The following ARHGEF17 variants were observed in gnomAD, a reference collection of about 807,000 sequenced individuals.
The protein encoded by ARHGEF17 is Rho guanine nucleotide exchange factor 17.
ARHGEF17 carries 80 observed loss-of-function variants against 174.0 expected under a neutral mutation model. The ratio of observed to expected loss-of-function variants is 0.46; its 90% CI spans 0.38 to 0.55. ARHGEF17 has a LOEUF of 0.55. ARHGEF17 is among the 20% of genes least tolerant of loss of function. The pLI is 0.00. For missense variants in ARHGEF17, 2,886 were observed against 2,839.7 expected, an observed-to-expected ratio of 1.02 and a Z score of -0.37; for synonymous variants, 1,311 against 1,189.1, an observed-to-expected ratio of 1.10 and a Z score of -2.11.
chr11:73,351,629 T>C (rs1029911826), intron 2 of ARHGEF17, among the ~76,000 whole-genome samples: 13 of 152,168 alleles, frequency 8.5e-5, no homozygotes, highest in African/African-American at 2.2e-4. Context: ...GTCCTCAGGC[T>C]GGAGTGCAGT....
At chr11:73,324,714 G>A (rs1467319483) in intron 1 of ARHGEF17, among the ~76,000 whole-genome samples, 2 of 152,220 alleles carry the variant, frequency 1.3e-5, no homozygotes, top group African/African-American at 4.8e-5. Context: ...GCCTGAGTTG[G>A]GGGCAGTGCC....
intron 1 of ARHGEF17, among the ~76,000 whole-genome samples, chr11:73,332,351 G>A (rs1366607037): frequency 9.1e-4 from 4 of 4,416 alleles, no homozygotes; most frequent in Non-Finnish European, 1.7e-3. Context: ...CTTTTTCTCC[G>A]TGTGTGTGTG....
rs145408684 is a variant in ARHGEF17 at position 73,360,488 on chromosome 11, C to T, written c.4375C>T (p.Arg1459Cys). Residue 1459 changes from arginine (R) to cysteine (C), a missense_variant, in exon 11 of 21, where the codon CGC becomes TGC. This residue lies in a region of ARHGEF17 where 476 missense variants were observed against 473.1 expected (regional missense o/e 1.01). Transcript: ENST00000263674. Reference protein sequence around the residue: ...YIFEFPHPDARLGFEQAFDEA... With the variant: ...YIFEFPHPDACLGFEQAFDEA... ...TTTTGAGTTCCCTCACCCTGACGCC[C>T]GCCTTGGTTTTGAACAGGCCTTCGA... 2.7e-5 allele frequency: 44 copies of T among 1,613,912 alleles called. No homozygotes were observed. The highest frequency in any genetic ancestry group is 3.3e-5 in the South Asian group (3 of 91,090).
At chr11:73,366,579 A>G (rs1340784344) in intron 20 of ARHGEF17, among the ~76,000 whole-genome samples, 1 of 151,776 alleles carries the variant, frequency 6.6e-6, no homozygotes, top group Non-Finnish European at 1.5e-5. Context: ...AAAATACAAA[A>G]ATTAGCCATG....
intron 1 of ARHGEF17, among the ~76,000 whole-genome samples, chr11:73,319,629 C>G (rs1259725300): frequency 6.6e-6 from 1 of 152,238 alleles, no homozygotes; most frequent in African/African-American, 2.4e-5. Context: ...GGGGCAGAAC[C>G]TTCGAACTCA....
intron 1 of ARHGEF17, among the ~76,000 whole-genome samples, chr11:73,329,329 A>G (rs1865154168): frequency 2.0e-3 from 3 of 1,528 alleles, no homozygotes; most frequent in African/African-American, 7.4e-3. Context: ...TTTCATATAT[A>G]TATATATATA....
chr11:73,311,303 C>T lies in ARHGEF17; in HGVS notation c.2665C>T (p.Leu889=), dbSNP rs920674049. Residue 889 remains leucine (L), a synonymous_variant, in exon 1 of 21, where the codon CTA becomes TTA. Coordinates refer to ENST00000263674, the MANE Select transcript of ARHGEF17 (RefSeq NM_014786.4). ...TRSRAQSERA[L]PEALPPPATA... The stretch of plus-strand genomic sequence containing the variant: ...GAGCCGGGCACAGTCTGAAAGGGCC[C>T]TACCTGAGGCTCTGCCTCCCCCTGC... 7 of 1,613,084 alleles carry T rather than the reference C, an allele frequency of 4.3e-6. No homozygotes were observed. The African/African-American group carries it at 9.3e-5, about 22-fold the overall frequency.
chr11:73,361,479 C>T (rs1865737013), intron 12 of ARHGEF17, among the ~76,000 whole-genome samples: 1 of 152,146 alleles, frequency 6.6e-6, no homozygotes, highest in Non-Finnish European at 1.5e-5. Flanking sequence ...TTTTTCTATG[C>T]ATGTATCCAT....
At chr11:73,314,439 G>A (rs1179656375) in intron 1 of ARHGEF17, among the ~76,000 whole-genome samples, 1 of 152,194 alleles carries the variant, frequency 6.6e-6, no homozygotes, top group African/African-American at 2.4e-5. Flanking sequence ...GCCTGGCTCA[G>A]CCTTTGACTC....
intron 1 of ARHGEF17, among the ~76,000 whole-genome samples, chr11:73,339,879 T>C (rs948351418): frequency 2.0e-5 from 3 of 151,878 alleles, no homozygotes; most frequent in Non-Finnish European, 2.9e-5. Context: ...TATGGTTGGG[T>C]GTGGGGTATG....
chr11:73,318,891 G>C (rs989052345), intron 1 of ARHGEF17, among the ~76,000 whole-genome samples: 1 of 152,170 alleles, frequency 6.6e-6, no homozygotes, highest in East Asian at 1.9e-4. Context: ...GGGTTTCACT[G>C]GGCTAAGATC....
chr11:73,319,014 C>T (rs2135789236), intron 1 of ARHGEF17, among the ~76,000 whole-genome samples: 1 of 152,190 alleles, frequency 6.6e-6, no homozygotes, highest in East Asian at 1.9e-4. Context: ...CTTCCCCCAT[C>T]TTCCCCAGCA....
In ARHGEF17 at chr11:73,365,284, A is replaced by C; in HGVS notation, c.5551-106A>C. ...GAAAGGTTAATCAGACCAAGGACCAACGCTAGTGTGAGTTGTGAGGGATGG... is the reference window on the plus strand; with the variant it reads ...GAAAGGTTAATCAGACCAAGGACCACCGCTAGTGTGAGTTGTGAGGGATGG... On this transcript the variant is annotated intron_variant, in intron 18 of 20. Coordinates refer to ENST00000263674, the MANE Select transcript of ARHGEF17 (RefSeq NM_014786.4). This position sits in a 1 kb window ranked among gnomAD's most constrained non-coding sequence, Gnocchi z 4.9. 1 of 1,318,106 alleles carries C rather than the reference A, an allele frequency of 7.6e-7. No homozygotes were observed. Among genetic ancestry groups the C allele is most frequent in the Non-Finnish European group, 1.1e-6 (1 of 942,860 alleles). The allele number at this position is 1,318,106 out of a possible 1,614,324, so 81.7% of individuals were successfully genotyped here. A position where few individuals can be genotyped will look rare whatever the true frequency, so the allele number is the denominator to read the frequency against.
At chr11:73,311,880 G>A (rs1864844362) in intron 1 of ARHGEF17, 50 bp downstream of exon 1, 1 of 1,540,170 alleles carries the variant, frequency 6.5e-7, no homozygotes, top group Non-Finnish European at 8.8e-7. Context: ...AGGGCCATGG[G>A]CACCGACTTC....
chr11:73,329,356 TA>T (rs1565193676), intron 1 of ARHGEF17, among the ~76,000 whole-genome samples: 1,674 of 37,204 alleles, frequency 0.045, 468 homozygotes, highest in East Asian at 0.084. Context: ...TATATATATA[TA>T]TATATATATA....
In ARHGEF17 at chr11:73,362,663, A is replaced by C; in HGVS notation, c.4925A>C (p.Glu1642Ala). The C allele has an allele frequency of 6.2e-7, 1 of 1,611,416 alleles. No individual in the cohort carries two copies. Among genetic ancestry groups the C allele is most frequent in the Non-Finnish European group, 8.5e-7 (1 of 1,179,988 alleles). ...CCCTTTGACAGTGACTCTGACGATG[A>C]GTCTTCGCCCAGCCCCTCGGGGACG... ...LVPFDSDSDD[E>A]SSPSPSGTLQ... Residue 1642 changes from glutamate (E) to alanine (A), a missense_variant, in exon 14 of 21, where the codon GAG becomes GCG. Glu to Ala is a moderately radical substitution (Grantham distance 107). This residue lies in a region of ARHGEF17 where 476 missense variants were observed against 473.1 expected (regional missense o/e 1.01). Transcript: ENST00000263674.
At chr11:73,351,948 C>T (rs1317686045) in intron 2 of ARHGEF17, among the ~76,000 whole-genome samples, 5 of 152,168 alleles carry the variant, frequency 3.3e-5, no homozygotes, top group East Asian at 3.9e-4. Flanking sequence ...TCGTGGTCTT[C>T]GCGTTTTAAT....
chr11:73,318,968 C>T (rs570890951), intron 1 of ARHGEF17, among the ~76,000 whole-genome samples: 318 of 152,368 alleles, frequency 2.1e-3, no homozygotes, highest in African/African-American at 7.1e-3. Flanking sequence ...CTTTACCATC[C>T]TCTCCTGGCT....
chr11:73,366,566 C>CA (rs1255666639), intron 20 of ARHGEF17, among the ~76,000 whole-genome samples: 1 of 151,752 alleles, frequency 6.6e-6, no homozygotes, highest in Non-Finnish European at 1.5e-5. Context: ...ACCATCTCTA[C>CA]AAAAAATACA....
Sources: gnomAD v4.1 joint callset for allele counts (sites outside exome capture counted in the v4.1 genomes callset) on GRCh38, gnomAD v4.1.1 for gene constraint, gnomAD v4.1.1 regional missense constraint, Gnocchi (gnomAD v3.1) non-coding constraint, MANE v1.5 for transcripts, NCBI Gene and HGNC (gene_info 2026-07-23, HGNC 2026-07-21) for gene names.